RNPEP: variants seen among roughly 807,000 people sequenced by gnomAD.
RNPEP encodes aminopeptidase B.
RNPEP carries 57 observed loss-of-function variants against 70.1 expected under a neutral mutation model. The ratio of observed to expected loss-of-function variants is 0.81; its 90% CI spans 0.66 to 1.01. The LOEUF (loss-of-function observed/expected upper bound fraction) is 1.01, where lower values mean the gene tolerates loss of function less well. RNPEP is among the 50% of genes least tolerant of loss of function. The pLI is 0.00. For missense variants in RNPEP, 787 were observed against 852.4 expected (o/e 0.92, Z 0.96); for synonymous variants, 335 against 357.4 (o/e 0.94, Z 0.71).
chr1:201,998,994 T>A (rs1324848565), intron 5 of RNPEP, among the ~76,000 whole-genome samples: 2 of 152,192 alleles, frequency 1.3e-5, no homozygotes, highest in African/African-American at 4.8e-5. Context: ...GGCAGGTGGA[T>A]CACCTGAGGT....
chr1:201,998,959 G>C (rs1683675329), intron 5 of RNPEP, among the ~76,000 whole-genome samples: 1 of 152,212 alleles, frequency 6.6e-6, no homozygotes, highest in East Asian at 1.9e-4. Context: ...TCAAGTCATT[G>C]CCAGGCATGG....
At chr1:201,983,838 A>C in intron 1 of RNPEP, 1 of 1,040,252 alleles carries the variant, frequency 9.6e-7, no homozygotes, top group South Asian at 3.1e-5. Flanking sequence ...GAGTCAGAAA[A>C]TCCTTCCTGG....
In RNPEP at chr1:202,001,783, G is replaced by C; in HGVS notation, c.1426+16G>C. On this transcript the variant is annotated intron_variant, in intron 8 of 10. Coordinates refer to ENST00000295640, the MANE Select transcript of RNPEP (RefSeq NM_020216.4). ...ATCATTCCAGGTAAGCAGAGGAACT[G>C]GCCCACAGGCTTCTAAAAAATAGTA... 7.1e-7 allele frequency: 1 copy of C among 1,411,812 alleles called. No homozygotes were observed. Among genetic ancestry groups the C allele is most frequent in the South Asian group, 1.2e-5 (1 of 86,904 alleles). 87.5% of individuals were successfully genotyped at this position (1,411,812 alleles called of 1,614,324 possible).
intron 1 of RNPEP, among the ~76,000 whole-genome samples, chr1:201,985,191 T>TAA (rs57050499): frequency 7.0e-6 from 1 of 142,068 alleles, no homozygotes; most frequent in African/African-American, 2.6e-5. Flanking sequence ...AGGCTCCATC[T>TAA]AAAAAAAAAA....
chr1:201,990,651 A>G (rs201146066), intron 3 of RNPEP, among the ~76,000 whole-genome samples: 2 of 111,538 alleles, frequency 1.8e-5, no homozygotes, highest in African/African-American at 6.3e-5. Flanking sequence ...CACTGCTGGT[A>G]TCATGAGTCT....
chr1:201,983,572 G>C lies in RNPEP; in HGVS notation c.447+459G>C, dbSNP rs1683018779. 7.7e-6 allele frequency: 10 copies of C among 1,304,208 alleles called. No individual in the cohort carries two copies. The South Asian group carries it at 1.0e-4, about 13-fold the overall frequency. The allele number at this position is 1,304,208 out of a possible 1,614,324, so 80.8% of individuals were successfully genotyped here. A position where few individuals can be genotyped will look rare whatever the true frequency, so the allele number is the denominator to read the frequency against. On this transcript the variant is annotated intron_variant, in intron 1 of 10. Coordinates refer to ENST00000295640, the MANE Select transcript of RNPEP (RefSeq NM_020216.4). ...TTTATGGTGGCTCTAGAATTAGCCAGATGTTGATCTAGCTCTTTGTTCTGT... is the reference window on the plus strand; with the variant it reads ...TTTATGGTGGCTCTAGAATTAGCCACATGTTGATCTAGCTCTTTGTTCTGT...
At chr1:201,994,522 C>T (rs973942555) in intron 3 of RNPEP, among the ~76,000 whole-genome samples, 1 of 152,174 alleles carries the variant, frequency 6.6e-6, no homozygotes, top group Non-Finnish European at 1.5e-5. Context: ...TCCATGGCTA[C>T]GTCTTTGCTT....
At chr1:201,999,717 G>C (rs543930310) in intron 5 of RNPEP, among the ~76,000 whole-genome samples, 185 bp from the exon 6 acceptor site, 1 of 152,194 alleles carries the variant, frequency 6.6e-6, no homozygotes, top group African/African-American at 2.4e-5. Flanking sequence ...TAGGGACTGA[G>C]TCAGGCTCTC....
intron 3 of RNPEP, 82 bp downstream of exon 3, chr1:201,989,613 G>A: frequency 1.3e-6 from 2 of 1,489,796 alleles, no homozygotes; most frequent in Non-Finnish European, 1.8e-6. Context: ...TGCTGGGGGG[G>A]TTCTTGGGCA....
chr1:201,999,408 G>C (rs569656901), intron 5 of RNPEP, among the ~76,000 whole-genome samples: 15 of 151,908 alleles, frequency 9.9e-5, no homozygotes, highest in Non-Finnish European at 1.8e-4. Flanking sequence ...GCGTGGTGGT[G>C]CACACCTGTA....
chr1:201,982,778 C>A lies in RNPEP; in HGVS notation c.112C>A (p.His38Asn). The change falls in exon 1 of 11, where the codon CAC (histidine) becomes AAC (asparagine). Residue 38 changes from histidine (H) to asparagine (N), a missense_variant. Coordinates refer to ENST00000295640, the MANE Select transcript of RNPEP (RefSeq NM_020216.4). Reference protein sequence around the residue: ...ASNFRAFELLHLHLDLRAEFG... With the variant: ...ASNFRAFELLNLHLDLRAEFG... ...CAACTTCCGGGCCTTTGAGCTGCTG[C>A]ACTTGCACCTGGACCTGCGGGCTGA... is the stretch of plus-strand genomic sequence containing the variant. The A allele has an allele frequency of 7.4e-7, 1 of 1,357,036 alleles. No homozygotes were observed. The highest frequency in any genetic ancestry group is 9.5e-7 in the Non-Finnish European group (1 of 1,053,606). The allele number at this position is 1,357,036 out of a possible 1,614,324, so 84.1% of individuals were successfully genotyped here. A position where few individuals can be genotyped will look rare whatever the true frequency, so the allele number is the denominator to read the frequency against.
At chr1:202,003,611 G>A (rs1558268949) in intron 9 of RNPEP, 150 bp downstream of exon 9, 1 of 630,324 alleles carries the variant, frequency 1.6e-6, no homozygotes, top group Non-Finnish European at 2.8e-6. Context: ...GTGCCACCGG[G>A]AGGTTATGGG....
Position 202,004,483 on chromosome 1 carries a change from T to C in RNPEP, c.1781T>C (p.Phe594Ser), listed in dbSNP as rs767686368. ...GAAGATTTCTGGAAAGTGAAGGAGT[T>C]CCTGCATAACCAGGTGGGTGACCCC... ...HQEDFWKVKE[F>S]LHNQGKQKYT... Residue 594 changes from phenylalanine (F) to serine (S), a missense_variant, in exon 10 of 11, where the codon TTC becomes TCC. Physicochemically the swap from Phe to Ser is radical, Grantham distance 155. Transcript: ENST00000295640. 1.9e-6 allele frequency: 3 copies of C among 1,613,676 alleles called. No homozygotes were observed. In the African/African-American group the frequency reaches 4.0e-5, roughly 22 times the overall value.
chr1:201,996,528 C>G (rs1683563453), intron 4 of RNPEP: 1 of 317,310 alleles, frequency 3.2e-6, no homozygotes, highest in African/African-American at 2.3e-5. Flanking sequence ...GAGTCTCGCT[C>G]TGTCACCCAG....
intron 7 of RNPEP, 61 bp downstream of exon 7, chr1:202,001,549 G>T: frequency 1.4e-6 from 2 of 1,463,610 alleles, no homozygotes; most frequent in Non-Finnish European, 1.9e-6. Context: ...CTGATCAAGG[G>T]TAGAGGCAGG....
intron 2 of RNPEP, 116 bp from the exon 3 acceptor site, chr1:201,989,267 C>A: frequency 7.5e-7 from 1 of 1,337,072 alleles, no homozygotes; most frequent in Non-Finnish European, 1.0e-6. Flanking sequence ...TTGTGTTCTC[C>A]AAGATAGACT....
intron 3 of RNPEP, chr1:201,995,942 G>C (rs74136711): frequency 6.1e-4 from 347 of 564,290 alleles, no homozygotes; most frequent in African/African-American, 5.5e-3. Flanking sequence ...CCACCTCCAT[G>C]AGGCTGTCTT....
chr1:201,983,091 A>G lies in RNPEP; in HGVS notation c.425A>G (p.Tyr142Cys). ...GAGCGCCTCCAGGTGCTGCTCACCT[A>G]CCGCGTCGGGGAGGGACCCGGGGTG... Reference protein sequence around the residue: ...AAERLQVLLTYRVGEGPGVCW... With the variant: ...AAERLQVLLTCRVGEGPGVCW... The change falls in exon 1 of 11, where the codon TAC becomes TGC. Residue 142 changes from tyrosine to cysteine, a missense_variant. By Grantham distance (194) the Tyr-to-Cys change is radical (BLOSUM62 -2). Transcript: ENST00000295640. 6.6e-7 allele frequency: 1 copy of G among 1,506,512 alleles called. No homozygotes were observed. Among genetic ancestry groups the G allele is most frequent in the East Asian group, 2.6e-5 (1 of 38,602 alleles). The allele number at this position is 1,506,512 out of a possible 1,614,324, so 93.3% of individuals were successfully genotyped here. A position where few individuals can be genotyped will look rare whatever the true frequency, so the allele number is the denominator to read the frequency against.
intron 10 of RNPEP, 149 bp downstream of exon 10, chr1:202,004,645 T>C (rs1030980076): frequency 1.5e-5 from 14 of 941,098 alleles, no homozygotes; most frequent in African/African-American, 5.0e-5. Flanking sequence ...ACTCAGCCTC[T>C]TTACTAGTGT....
Sources: allele counts gnomAD v4.1 joint callset (sites outside exome capture counted in the v4.1 genomes callset), GRCh38; gene constraint gnomAD v4.1.1; transcripts MANE v1.5; gene names NCBI Gene and HGNC (gene_info 2026-07-23, HGNC 2026-07-21).